The following SLC22A25 variants were observed in gnomAD, a reference collection of about 807,000 sequenced individuals.
SLC22A25 encodes MGI:2442751, MGI:2385316, MGI:3042283, MGI:3645714, MGI:3605624, MGI:2442750.
SLC22A25 carries 44 observed loss-of-function variants against 45.9 expected under a neutral mutation model. The observed-to-expected ratio is 0.96, with a 90% CI of 0.75 to 1.23. The LOEUF (loss-of-function observed/expected upper bound fraction) is 1.23, where lower values mean the gene tolerates loss of function less well. Ranked by LOEUF, SLC22A25 falls within the 50% of genes most tolerant of loss-of-function variation. SLC22A25 has a pLI of 0.00. For missense variants in SLC22A25, 800 were observed against 666.4 expected, an observed-to-expected ratio of 1.20 and a Z score of -2.21; for synonymous variants, 283 against 238.6, an observed-to-expected ratio of 1.19 and a Z score of -1.72.
At chr11:63,232,802 C>T (rs949390085) in intron 3 of SLC22A25, among the ~76,000 whole-genome samples, 3 of 152,088 alleles carry the variant, frequency 2.0e-5, no homozygotes, top group South Asian at 2.1e-4. Flanking sequence ...TTTTGAGATT[C>T]GTCCTATCAA....
chr11:63,194,891 A>C (rs1371907602), intron 7 of SLC22A25, among the ~76,000 whole-genome samples: 610 of 15,600 alleles, frequency 0.039, 3 homozygotes, highest in Non-Finnish European at 0.064. Flanking sequence ...AATGGAAAGC[A>C]AAAAAAAAAA....
At chr11:63,240,253 A>T (rs1364295383) in intron 1 of SLC22A25, among the ~76,000 whole-genome samples, 1 of 152,238 alleles carries the variant, frequency 6.6e-6, no homozygotes. Flanking sequence ...ATCTTGCAGT[A>T]CTGGAAGTTG....
intron 9 of SLC22A25, among the ~76,000 whole-genome samples, chr11:63,172,754 T>A (rs992370558): frequency 2.6e-5 from 4 of 151,830 alleles, no homozygotes; most frequent in Admixed American, 6.6e-5. Context: ...ATAGAAACAA[T>A]TTTACACTGT....
chr11:63,164,368 A>G (rs1220582474), intron 11 of SLC22A25, among the ~76,000 whole-genome samples, 158 bp downstream of exon 11: 1 of 152,244 alleles, frequency 6.6e-6, no homozygotes, highest in Non-Finnish European at 1.5e-5. Context: ...GAACAAAGTC[A>G]GCTTGATATA....
chr11:63,236,057 G>A (rs2510593), intron 3 of SLC22A25, among the ~76,000 whole-genome samples: 1 of 151,060 alleles, frequency 6.6e-6, no homozygotes, highest in African/African-American at 2.5e-5. Context: ...ACCCCTAATG[G>A]GGGGTGCCTC....
intron 7 of SLC22A25, among the ~76,000 whole-genome samples, chr11:63,185,118 A>T (rs2088476811): frequency 1.3e-5 from 2 of 152,174 alleles, no homozygotes; most frequent in Admixed American, 6.6e-5. Flanking sequence ...TCATAATGCA[A>T]TCACAAGTAT....
At chr11:63,241,957 C>T (rs1407182759) in intron 1 of SLC22A25, among the ~76,000 whole-genome samples, 1 of 152,162 alleles carries the variant, frequency 6.6e-6, no homozygotes, top group African/African-American at 2.4e-5. Context: ...CTCTGTCAAA[C>T]AGAAATGAGG....
chr11:63,224,279 G>A (rs1162218367), intron 5 of SLC22A25, among the ~76,000 whole-genome samples: 3 of 151,822 alleles, frequency 2.0e-5, no homozygotes, highest in East Asian at 1.9e-4. Flanking sequence ...GTTTTCATTG[G>A]TATGGAATAT....
intron 5 of SLC22A25, among the ~76,000 whole-genome samples, chr11:63,224,975 T>C (rs1345091933): frequency 6.6e-6 from 1 of 152,114 alleles, no homozygotes; most frequent in Non-Finnish European, 1.5e-5. Context: ...GGCGGGCGCC[T>C]GTAGTCCCAG....
chr11:63,190,775 T>G (rs2134753830), intron 7 of SLC22A25, among the ~76,000 whole-genome samples: 1 of 152,344 alleles, frequency 6.6e-6, no homozygotes, highest in Admixed American at 6.5e-5. Context: ...AGTCAGGACC[T>G]TCAGCTGCAG....
chr11:63,180,318 T>A (rs187222937), intron 9 of SLC22A25, among the ~76,000 whole-genome samples: 1 of 152,296 alleles, frequency 6.6e-6, no homozygotes, highest in Admixed American at 6.5e-5. Context: ...TATTCATTGA[T>A]CTGTGTACAT....
intron 7 of SLC22A25, among the ~76,000 whole-genome samples, chr11:63,196,236 C>A (rs1486196087): frequency 1.3e-5 from 2 of 152,104 alleles, no homozygotes; most frequent in Non-Finnish European, 2.9e-5. Flanking sequence ...AGAGGGAGTC[C>A]TCCATAACTC....
intron 3 of SLC22A25, among the ~76,000 whole-genome samples, chr11:63,230,366 A>G (rs568133924): frequency 6.6e-6 from 1 of 152,316 alleles, no homozygotes; most frequent in Non-Finnish European, 1.5e-5. Flanking sequence ...TGGCTTATTG[A>G]TTCTTTCAGA....
intron 7 of SLC22A25, among the ~76,000 whole-genome samples, chr11:63,216,873 T>C (rs566156904): frequency 6.2e-4 from 94 of 152,326 alleles, no homozygotes; most frequent in African/African-American, 2.1e-3. Context: ...AAATTTCTAA[T>C]GAGCAGCAAT....
intron 9 of SLC22A25, among the ~76,000 whole-genome samples, chr11:63,169,816 A>G (rs1288495202): frequency 3.3e-5 from 5 of 152,172 alleles, no homozygotes; most frequent in African/African-American, 1.2e-4. Flanking sequence ...GTGGATCTCT[A>G]ATAGACATCT....
chr11:63,210,419 G>A (rs1217800555), intron 7 of SLC22A25, among the ~76,000 whole-genome samples: 1 of 152,192 alleles, frequency 6.6e-6, no homozygotes. Context: ...AAGACCAGGA[G>A]AGGAAGGCCA....
chr11:63,165,987 A>G (rs2087665884), intron 10 of SLC22A25, 57 bp downstream of exon 10: 1 of 1,585,246 alleles, frequency 6.3e-7, no homozygotes, highest in Non-Finnish European at 8.6e-7. Context: ...GACCAGGGCA[A>G]TCCCTGAGAA....
At chr11:63,187,251 G>C (rs1323518073) in intron 7 of SLC22A25, among the ~76,000 whole-genome samples, 1 of 152,100 alleles carries the variant, frequency 6.6e-6, no homozygotes, top group Non-Finnish European at 1.5e-5. Context: ...TCCTTGAAGA[G>C]GTCCTTCAGA....
intron 7 of SLC22A25, 70 bp downstream of exon 7, chr11:63,217,244 C>T: frequency 5.9e-6 from 9 of 1,516,276 alleles, no homozygotes; most frequent in Non-Finnish European, 8.1e-6. Context: ...AAATGGAATT[C>T]ATGTCCTCAT....
Sources: allele counts gnomAD v4.1 joint callset (sites outside exome capture counted in the v4.1 genomes callset), GRCh38; gene constraint gnomAD v4.1.1; transcripts MANE v1.5; gene names NCBI Gene and HGNC (gene_info 2026-07-23, HGNC 2026-07-21).